HBS1L: variants seen among roughly 807,000 people sequenced by gnomAD.
The protein encoded by HBS1L is HBS1 like translational GTPase.
A neutral mutation model predicts 88.9 loss-of-function variants in HBS1L; 55 were observed. That is an observed-to-expected ratio of 0.62 (90% CI 0.50 to 0.77). The LOEUF is 0.77. HBS1L is among the 30% of genes least tolerant of loss of function. The probability of loss-of-function intolerance (pLI) is 0.00; values close to 1 mark genes in which losing one functional copy is unlikely to be tolerated. For synonymous variants in HBS1L, 267 were observed against 288.5 expected (o/e 0.93, Z 0.76); for missense variants, 741 against 829.3 (o/e 0.89, Z 1.31).
At chr6:134,992,176 T>C (rs1486729074) in intron 8 of HBS1L, among the ~76,000 whole-genome samples, 1 of 152,236 alleles carries the variant, frequency 6.6e-6, no homozygotes, top group African/African-American at 2.4e-5. Flanking sequence ...TGTTTTCCAG[T>C]AATCATCCAT....
At chr6:135,051,660 A>G (rs143990925) in intron 1 of HBS1L, among the ~76,000 whole-genome samples, 1 of 152,314 alleles carries the variant, frequency 6.6e-6, no homozygotes, top group Non-Finnish European at 1.5e-5. Flanking sequence ...ACGCCTGTTC[A>G]CTACATGAGA....
chr6:135,001,927 T>C (rs1160881482), intron 5 of HBS1L, among the ~76,000 whole-genome samples: 3 of 150,432 alleles, frequency 2.0e-5, no homozygotes, highest in Non-Finnish European at 4.4e-5. Flanking sequence ...TTTAAAAAAA[T>C]ATAACTTGGG....
At chr6:135,002,528 A>C in intron 5 of HBS1L, 1 of 350,318 alleles carries the variant, frequency 2.9e-6, no homozygotes, top group Non-Finnish European at 5.3e-6. Flanking sequence ...AGTGAGGTAG[A>C]GTAAGTAATA....
At chr6:135,019,505 T>C (rs149950795) in intron 4 of HBS1L, among the ~76,000 whole-genome samples, 2 of 152,084 alleles carry the variant, frequency 1.3e-5, no homozygotes, top group East Asian at 3.8e-4. Flanking sequence ...ATTAATATTC[T>C]GTATATTTAG....
rs77865145 is a variant in HBS1L at position 134,961,207 on chromosome 6, G to C, written c.*4072C>G. ...ATTATCAGAGTAACAAAATAATGTA[G>C]TCCCTTTATGGACTATAAGTAACTT... On this transcript the variant is annotated 3_prime_UTR_variant, in exon 18 of 18. Coordinates refer to ENST00000367837, the MANE Select transcript of HBS1L (RefSeq NM_006620.4). 206 of 147,850 alleles carry C rather than the reference G, an allele frequency of 1.4e-3. 1 individual carries two copies. Among genetic ancestry groups the C allele is most frequent in the African/African-American group, 4.8e-3 (194 of 40,188 alleles). 9.2% of individuals were successfully genotyped at this position (147,850 alleles called of 1,614,324 possible). A position where few individuals can be genotyped will look rare whatever the true frequency, so the allele number is the denominator to read the frequency against.
chr6:135,039,750 G>A lies in HBS1L; in HGVS notation c.253C>T (p.Leu85Phe), dbSNP rs373539768. The change falls in exon 4 of 18, where the codon CTT (leucine) becomes TTT (phenylalanine). Residue 85 changes from leucine (L) to phenylalanine (F), a missense_variant. Physicochemically the swap from Leu to Phe is conservative, Grantham distance 22. Coordinates refer to ENST00000367837, the MANE Select transcript of HBS1L (RefSeq NM_006620.4). ...GFDQARLYSC[L>F]DHMREVLGDA... ...CCAAGTACCTCTCTCATGTGATCAA[G>A]GCATGAATAAAGACGAGCTAGAAAA... 4.3e-6 allele frequency: 7 copies of A among 1,612,000 alleles called. No individual in the cohort carries two copies. The highest frequency in any genetic ancestry group is 5.9e-6 in the Non-Finnish European group (7 of 1,179,510).
Position 135,002,838 on chromosome 6 carries a change from T to C in HBS1L, c.435A>G (p.Lys145=). 1 of 1,608,686 alleles carries C rather than the reference T, an allele frequency of 6.2e-7. No individual in the cohort carries two copies. The highest frequency in any genetic ancestry group is 1.1e-5 in the South Asian group (1 of 90,874). ...TVSTGKIAKG[K]PVDSQTSRSE... Reference sequence around the variant, plus strand: ...TTCGCGATGTCTGGGAATCTACTGGTTTTCCTAGTTAAGGAGTAAAATATA... The same window carrying C: ...TTCGCGATGTCTGGGAATCTACTGGCTTTCCTAGTTAAGGAGTAAAATATA... Residue 145 remains lysine, a synonymous_variant, in exon 5 of 18, where the codon AAA becomes AAG. Transcript: ENST00000367837.
chr6:135,039,868 T>C, intron 3 of HBS1L, 101 bp from the exon 4 acceptor site: 1 of 977,992 alleles, frequency 1.0e-6, no homozygotes, highest in Non-Finnish European at 1.5e-6. Flanking sequence ...TACTAGAATA[T>C]TCAACTCTCC....
intron 4 of HBS1L, among the ~76,000 whole-genome samples, chr6:135,018,158 A>C (rs555847575): frequency 6.6e-6 from 1 of 152,202 alleles, no homozygotes; most frequent in African/African-American, 2.4e-5. Flanking sequence ...AATGAAAAAA[A>C]CACTACTTAA....
chr6:135,028,751 A>C (rs1211443394), intron 4 of HBS1L, among the ~76,000 whole-genome samples: 1 of 152,154 alleles, frequency 6.6e-6, no homozygotes, highest in African/African-American at 2.4e-5. Flanking sequence ...AAATCTACTA[A>C]GATAATAATA....
chr6:135,042,121 G>T lies in HBS1L; in HGVS notation c.115C>A (p.Gln39Lys). 1 of 1,612,048 alleles carries T rather than the reference G, an allele frequency of 6.2e-7. No individual in the cohort carries two copies. Among genetic ancestry groups the T allele is most frequent in the South Asian group, 1.1e-5 (1 of 90,848 alleles). ...TTGTCACGCCGTGAATAAATAAACT[G>T]AGCAGCTAGAATATAAAATGATCAA... The part of the protein sequence containing the change: ...DYCISPSTAA[Q>K]FIYSRRDKPS... Residue 39 changes from glutamine (Q) to lysine (K), a missense_variant, in exon 3 of 18, where the codon CAG becomes AAG. This residue lies in a region of HBS1L where 556 missense variants were observed against 598.4 expected (regional missense o/e 0.93). Transcript: ENST00000367837.
chr6:135,054,688 C>T lies in HBS1L; in HGVS notation c.4G>A (p.Ala2Thr), dbSNP rs936767958. The T allele has an allele frequency of 4.3e-6, 7 of 1,614,242 alleles. No homozygotes were observed. Among genetic ancestry groups the T allele is most frequent in the Non-Finnish European group, 5.9e-6 (7 of 1,180,038 alleles). The change falls in exon 1 of 18, where the codon GCC becomes ACC. Residue 2 changes from alanine to threonine, a missense_variant. Ala to Thr is a moderately conservative substitution (Grantham distance 58, BLOSUM62 0). This residue lies in a region of HBS1L where 556 missense variants were observed against 598.4 expected (regional missense o/e 0.93). Coordinates refer to ENST00000367837, the MANE Select transcript of HBS1L (RefSeq NM_006620.4). ...TAGCCTCGAACATTCCGATGCCGGG[C>T]CATGACGGCGGAGAGGGCGTTTGCC... M[A>T]RHRNVRGYNY...
chr6:135,054,505 G>T, intron 1 of HBS1L, 144 bp downstream of exon 1: 1 of 864,908 alleles, frequency 1.2e-6, no homozygotes, highest in Non-Finnish European at 1.8e-6. Flanking sequence ...GCACTAGAAG[G>T]CCTGTTATAT....
intron 4 of HBS1L, chr6:135,036,350 G>C (rs572367317): frequency 1.6e-6 from 2 of 1,232,956 alleles, no homozygotes; most frequent in African/African-American, 3.1e-5. Flanking sequence ...ACTCAGTATA[G>C]GTTACCAACT....
At chr6:135,024,951 C>A (rs1776184504) in intron 4 of HBS1L, among the ~76,000 whole-genome samples, 1 of 152,042 alleles carries the variant, frequency 6.6e-6, no homozygotes. Flanking sequence ...ATACTGGAAC[C>A]ATTATACGTA....
intron 8 of HBS1L, among the ~76,000 whole-genome samples, chr6:134,988,300 T>C (rs1445352251): frequency 2.6e-5 from 4 of 151,682 alleles, no homozygotes; most frequent in Non-Finnish European, 5.9e-5. Context: ...GAGGCAGAGG[T>C]TGCAGTGAGT....
At chr6:135,021,561 A>G (rs181159477) in intron 4 of HBS1L, among the ~76,000 whole-genome samples, 14 of 152,272 alleles carry the variant, frequency 9.2e-5, no homozygotes, top group Admixed American at 9.2e-4. Context: ...CGGTTAAATA[A>G]TACTAGCAGA....
At chr6:135,039,488 T>C in intron 4 of HBS1L, 85 bp downstream of exon 4, 3 of 1,099,678 alleles carry the variant, frequency 2.7e-6, no homozygotes, top group South Asian at 2.8e-5. Context: ...AAATTAAATA[T>C]TTTCTTAAAA....
intron 4 of HBS1L, among the ~76,000 whole-genome samples, chr6:135,011,442 C>A (rs1775770917): frequency 6.6e-6 from 1 of 152,080 alleles, no homozygotes; most frequent in Non-Finnish European, 1.5e-5. Context: ...ATCAATTGAG[C>A]CCTGGAGTTT....
Sources: gnomAD v4.1 joint callset for allele counts (sites outside exome capture counted in the v4.1 genomes callset) on GRCh38, gnomAD v4.1.1 for gene constraint, gnomAD v4.1.1 regional missense constraint, MANE v1.5 for transcripts, NCBI Gene and HGNC (gene_info 2026-07-23, HGNC 2026-07-21) for gene names.